Variants in DSE observed in about 807,000 individuals in gnomAD.
DSE encodes the protein dermatan sulfate epimerase, also known as dermatan-sulfate epimerase.
Under a neutral mutation model 84.4 loss-of-function variants are expected in DSE, and 36 were observed. The observed-to-expected ratio is 0.43, with a 90% CI of 0.33 to 0.56. The LOEUF (loss-of-function observed/expected upper bound fraction) is 0.56. Among genes scored for constraint, DSE ranks in the 20% least tolerant of loss-of-function variants. The probability of loss-of-function intolerance (pLI) is 0.06; values close to 1 mark genes in which losing one functional copy is unlikely to be tolerated. For synonymous variants in DSE, 410 were observed against 430.1 expected (o/e 0.95, Z 0.58); for missense variants, 862 against 1,169.6 (o/e 0.74, Z 3.84).
intron 2 of DSE, among the ~76,000 whole-genome samples, chr6:116,314,100 G>A (rs942626728): frequency 4.6e-5 from 7 of 151,842 alleles, no homozygotes; most frequent in African/African-American, 1.7e-4. Context: ...TTTTCTGTCA[G>A]TGCTGTCTCT....
chr6:116,293,192 C>T (rs980008017), intron 2 of DSE, among the ~76,000 whole-genome samples: 3 of 151,864 alleles, frequency 2.0e-5, no homozygotes, highest in African/African-American at 7.3e-5. Context: ...AGTTATTGGG[C>T]TTGTATTTAA....
At chr6:116,368,013 T>C (rs1779260346), upstream of DSE, among the ~76,000 whole-genome samples, 1 of 152,220 alleles carries the variant, frequency 6.6e-6, no homozygotes, top group East Asian at 1.9e-4. Flanking sequence ...AGACACAATT[T>C]TGTAGACATG....
At chr6:116,335,195 T>A (rs902331655) in intron 2 of DSE, among the ~76,000 whole-genome samples, 1 of 152,140 alleles carries the variant, frequency 6.6e-6, no homozygotes, top group Non-Finnish European at 1.5e-5. Flanking sequence ...TATGCAGCCA[T>A]AAAAAGGGAC....
chr6:116,434,813 T>C (rs574931554), intron 5 of DSE, among the ~76,000 whole-genome samples: 2 of 152,180 alleles, frequency 1.3e-5, no homozygotes, highest in African/African-American at 4.8e-5. Flanking sequence ...ACCAATAAGA[T>C]TAACTCTAGG....
intron 2 of DSE, among the ~76,000 whole-genome samples, chr6:116,261,498 T>G (rs564191873): frequency 4.6e-5 from 7 of 152,318 alleles, no homozygotes; most frequent in Admixed American, 3.3e-4. Context: ...TGTTATCAGC[T>G]TAAGGGCTGA....
intron 2 of DSE, among the ~76,000 whole-genome samples, chr6:116,349,271 A>G (rs1778178399): frequency 6.6e-6 from 1 of 152,144 alleles, no homozygotes; most frequent in South Asian, 2.1e-4. Context: ...AGGTTTTCCC[A>G]TGCCAGTATG....
At chr6:116,261,517 G>A (rs528510596) in intron 2 of DSE, among the ~76,000 whole-genome samples, 1 of 152,084 alleles carries the variant, frequency 6.6e-6, no homozygotes, top group Non-Finnish European at 1.5e-5. Context: ...GAGACTATGG[G>A]GTTTTCTAGA....
chr6:116,428,395 A>G (rs75795340), intron 3 of DSE, among the ~76,000 whole-genome samples: 1 of 152,130 alleles, frequency 6.6e-6, no homozygotes, highest in East Asian at 1.9e-4. Context: ...CCTTAAATAA[A>G]TTTTTATTTA....
chr6:116,312,331 G>C (rs1775738635), intron 2 of DSE, among the ~76,000 whole-genome samples: 1 of 152,194 alleles, frequency 6.6e-6, no homozygotes, highest in Non-Finnish European at 1.5e-5. Context: ...AAATAATTCA[G>C]ACACAAGCAC....
chr6:116,419,255 T>C (rs1334260548), intron 2 of DSE, among the ~76,000 whole-genome samples: 1 of 152,238 alleles, frequency 6.6e-6, no homozygotes, highest in East Asian at 1.9e-4. Flanking sequence ...TCCCTTTAGC[T>C]ACATTTATAG....
intron 1 of DSE, among the ~76,000 whole-genome samples, chr6:116,381,869 A>G (rs1424387796): frequency 1.3e-5 from 2 of 152,170 alleles, no homozygotes; most frequent in Non-Finnish European, 2.9e-5. Flanking sequence ...GGTGGAGGCT[A>G]GAAGTCTAAA....
intron 2 of DSE, among the ~76,000 whole-genome samples, chr6:116,414,027 A>G (rs1457563584): frequency 6.6e-6 from 1 of 152,204 alleles, no homozygotes; most frequent in Non-Finnish European, 1.5e-5. Context: ...AGGCAGCGAC[A>G]GGAAGATGAT....
intron 2 of DSE, among the ~76,000 whole-genome samples, chr6:116,319,640 C>T: frequency 6.6e-6 from 1 of 152,198 alleles, no homozygotes. Context: ...TGGTCATATC[C>T]TGGTCTTACT....
Position 116,443,400 on chromosome 6 carries a change from G to A in DSE, c.*6055G>A, listed in dbSNP as rs11153611. 0.68 allele frequency: 103,516 copies of A among 152,068 alleles called. 35,661 individuals carry two copies. Among genetic ancestry groups the A allele is most frequent in the Admixed American group, 0.74 (11,265 of 15,290 alleles). The allele number at this position is 152,068 out of a possible 1,614,324, so 9.4% of individuals were successfully genotyped here. On this transcript the variant is annotated 3_prime_UTR_variant, in exon 6 of 6. Transcript: ENST00000644252. ...TTGTTCAAATATTTCTGCCATTTGTGTTTTCAGCTTGCCTTGTTCAGGGAC... is the reference window on the plus strand; with the variant it reads ...TTGTTCAAATATTTCTGCCATTTGTATTTTCAGCTTGCCTTGTTCAGGGAC...
intron 4 of DSE, among the ~76,000 whole-genome samples, chr6:116,431,596 A>G (rs1223651725): frequency 6.6e-5 from 10 of 152,062 alleles, no homozygotes; most frequent in Admixed American, 6.6e-4. Flanking sequence ...TTTGGTTTTC[A>G]GTTTTTTCTT....
rs542547715 is a variant in DSE, at chr6:116,282,790, C to T, written c.-54+23823C>T. Among the ~76,000 whole-genome samples the T allele has an allele frequency of 3.9e-5, 6 of 152,142 alleles. No homozygotes were observed. The South Asian group carries it at 1.0e-3, about 26-fold the overall frequency. ...GCTCAGGAGAAGGGTCAGTAAAGGG[C>T]AAGGATTTTAGAGGGAAAAGCAAAT... is the stretch of plus-strand genomic sequence containing the variant. On this transcript the variant is annotated intron_variant, in intron 2 of 3. Transcript: ENST00000430252.
intron 2 of DSE, among the ~76,000 whole-genome samples, chr6:116,426,188 C>T (rs1371163550): frequency 6.6e-6 from 1 of 152,144 alleles, no homozygotes; most frequent in East Asian, 1.9e-4. Context: ...GAACTGAGAG[C>T]ATCTTATTCA....
At chr6:116,316,951 C>G (rs1364836888) in intron 2 of DSE, among the ~76,000 whole-genome samples, 1 of 151,852 alleles carries the variant, frequency 6.6e-6, no homozygotes, top group African/African-American at 2.4e-5. Context: ...ATCCAAGAAG[C>G]AGATGCTGAT....
At chr6:116,435,077 C>A (rs1784064352) in intron 5 of DSE, among the ~76,000 whole-genome samples, 1 of 152,136 alleles carries the variant, frequency 6.6e-6, no homozygotes. Context: ...ATGTGAAGTT[C>A]TCCTCTATTT....
Sources: gnomAD v4.1 joint callset for allele counts (sites outside exome capture counted in the v4.1 genomes callset) on GRCh38, gnomAD v4.1.1 for gene constraint, MANE v1.5 for transcripts, NCBI Gene and HGNC (gene_info 2026-07-23, HGNC 2026-07-21) for gene names.